The following IFT43 variants were observed in gnomAD, a reference collection of about 807,000 sequenced individuals.
IFT43 encodes intraflagellar transport 43, also known as intraflagellar transport protein 43 homolog.
In IFT43, 33 loss-of-function variants were observed where a neutral mutation model predicts 32.3. That is an observed-to-expected ratio of 1.02 (90% CI 0.77 to 1.37). The LOEUF is 1.37. Among genes scored for constraint, IFT43 ranks in the 40% most tolerant of loss-of-function variants. The pLI is 0.00. For synonymous variants in IFT43, 93 were observed against 98.2 expected, an observed-to-expected ratio of 0.95 and a Z score of 0.31; for missense variants, 274 against 265.9, an observed-to-expected ratio of 1.03 and a Z score of -0.21.
At chr14:75,990,720 C>T (rs1006056976) in intron 2 of IFT43, among the ~76,000 whole-genome samples, 1 of 152,116 alleles carries the variant, frequency 6.6e-6, no homozygotes, top group South Asian at 2.1e-4. Flanking sequence ...ATATACCAGA[C>T]CCAACCCTGG....
At chr14:75,999,227 T>TTATATA (rs1162371057) in intron 2 of IFT43, among the ~76,000 whole-genome samples, 32 of 96,078 alleles carry the variant, frequency 3.3e-4, no homozygotes, top group East Asian at 8.6e-4. Context: ...TAAATTCATT[T>TTATATA]TATATATATA....
chr14:76,052,134 G>A (rs1029227348), intron 3 of IFT43, among the ~76,000 whole-genome samples: 7 of 152,046 alleles, frequency 4.6e-5, no homozygotes, highest in East Asian at 1.9e-4. Flanking sequence ...CTTCAAGGAC[G>A]CTTCCCCCCA....
rs147754820 is a variant in IFT43 at position 76,010,748 on chromosome 14, C to G, written c.148-11579C>G. On this transcript the variant is annotated intron_variant, in intron 2 of 8. Coordinates refer to ENST00000314067, the MANE Select transcript of IFT43 (RefSeq NM_001102564.3). ...TAACAGTATGAATAATTTCCTAACA[C>G]TATTACCCACTCCAAATTTATTTTC... 3.3e-5 allele frequency among the ~76,000 whole-genome samples: 5 copies of G among 152,220 alleles called. No individual in the cohort carries two copies. In the East Asian group the frequency reaches 9.6e-4, roughly 29 times the overall value.
chr14:76,050,940 A>G (rs2036902623), intron 3 of IFT43, among the ~76,000 whole-genome samples: 1 of 151,812 alleles, frequency 6.6e-6, no homozygotes, highest in Non-Finnish European at 1.5e-5. Flanking sequence ...ACCTTTTTTC[A>G]CACATTTAGT....
At chr14:76,013,780 G>A in intron 2 of IFT43, 2 of 310,032 alleles carry the variant, frequency 6.5e-6, no homozygotes, top group Non-Finnish European at 1.3e-5. Flanking sequence ...TCTTGACTTG[G>A]CAAGGGCTAA....
intron 2 of IFT43, among the ~76,000 whole-genome samples, chr14:76,003,925 C>T (rs186108675): frequency 2.0e-5 from 3 of 151,846 alleles, no homozygotes; most frequent in South Asian, 2.1e-4. Context: ...TAGAGGCGCC[C>T]ACCACCCACC....
intron 2 of IFT43, among the ~76,000 whole-genome samples, chr14:76,015,931 T>C (rs1331964891): frequency 1.3e-5 from 2 of 152,238 alleles, no homozygotes; most frequent in East Asian, 1.9e-4. Context: ...TGCTCAGTGA[T>C]GTAGAACATT....
At chr14:76,037,622 C>T (rs1448943002) in intron 3 of IFT43, among the ~76,000 whole-genome samples, 1 of 151,746 alleles carries the variant, frequency 6.6e-6, no homozygotes. Context: ...AGCAAACACC[C>T]ATGCACACTT....
intron 5 of IFT43, among the ~76,000 whole-genome samples, chr14:76,079,716 C>T (rs1319057227): frequency 6.6e-6 from 1 of 152,200 alleles, no homozygotes; most frequent in Non-Finnish European, 1.5e-5. Flanking sequence ...CCAGAACCGA[C>T]TCCTGTCTTC....
At chr14:76,072,781 G>A (rs950540560) in intron 5 of IFT43, among the ~76,000 whole-genome samples, 1 of 152,140 alleles carries the variant, frequency 6.6e-6, no homozygotes, top group East Asian at 1.9e-4. Context: ...AGAGATCAGG[G>A]TTTGTATGCT....
chr14:76,069,890 C>A (rs1359635926), intron 5 of IFT43, among the ~76,000 whole-genome samples: 3 of 152,144 alleles, frequency 2.0e-5, no homozygotes, highest in African/African-American at 7.2e-5. Context: ...GGCTGTGCTC[C>A]TTTGCATCCT....
At chr14:76,048,224 A>G (rs1360222920) in intron 3 of IFT43, among the ~76,000 whole-genome samples, 1 of 152,238 alleles carries the variant, frequency 6.6e-6, no homozygotes, top group Non-Finnish European at 1.5e-5. Context: ...TGTTAGAATA[A>G]AATTGTCTTT....
intron 5 of IFT43, among the ~76,000 whole-genome samples, chr14:76,075,387 G>A (rs919277810): frequency 2.0e-5 from 3 of 152,140 alleles, no homozygotes; most frequent in Non-Finnish European, 4.4e-5. Flanking sequence ...GCAGGGGACC[G>A]CTCGGGAGCT....
At chr14:76,033,540 T>C (rs1023466996) in intron 3 of IFT43, among the ~76,000 whole-genome samples, 4 of 151,984 alleles carry the variant, frequency 2.6e-5, no homozygotes, top group African/African-American at 7.3e-5. Context: ...TTCTTCAAAG[T>C]GGGAAGACAG....
chr14:76,082,377 A>G lies in IFT43; in HGVS notation c.368+10A>G, dbSNP rs1440012438. The G allele has an allele frequency of 6.5e-7, 1 of 1,534,054 alleles. No individual in the cohort carries two copies. Among genetic ancestry groups the G allele is most frequent in the Non-Finnish European group, 9.0e-7 (1 of 1,106,970 alleles). Reference sequence around the variant, plus strand: ...TGGCAGCCCCTCCCAGGTAGGTTAAATCAGATATGATTGGGGAGGCAAAGA... The same window carrying G: ...TGGCAGCCCCTCCCAGGTAGGTTAAGTCAGATATGATTGGGGAGGCAAAGA... On this transcript the variant is annotated intron_variant, in intron 6 of 8. Coordinates refer to ENST00000314067, the MANE Select transcript of IFT43 (RefSeq NM_001102564.3).
intron 3 of IFT43, among the ~76,000 whole-genome samples, chr14:76,034,201 T>C (rs553815894): frequency 6.6e-6 from 1 of 152,340 alleles, no homozygotes; most frequent in South Asian, 2.1e-4. Context: ...CCTTTATTTC[T>C]CATGATTCTG....
At chr14:76,061,547 G>A (rs572349373) in intron 5 of IFT43, among the ~76,000 whole-genome samples, 41 of 152,142 alleles carry the variant, frequency 2.7e-4, no homozygotes, top group Non-Finnish European at 5.1e-4. Flanking sequence ...AACTTGGATC[G>A]TTTGTATTGC....
chr14:75,992,463 T>C (rs1205730476), intron 2 of IFT43, among the ~76,000 whole-genome samples: 2 of 152,118 alleles, frequency 1.3e-5, no homozygotes, highest in African/African-American at 2.4e-5. Context: ...CAGAGTCTCT[T>C]AGAACTGATT....
At chr14:76,043,937 A>C (rs886756550) in intron 3 of IFT43, among the ~76,000 whole-genome samples, 1 of 152,146 alleles carries the variant, frequency 6.6e-6, no homozygotes, top group African/African-American at 2.4e-5. Context: ...TAGTGTTCCT[A>C]TGACCCCCTT....
Sources: allele counts gnomAD v4.1 joint callset (sites outside exome capture counted in the v4.1 genomes callset), GRCh38; gene constraint gnomAD v4.1.1; transcripts MANE v1.5; gene names NCBI Gene and HGNC (gene_info 2026-07-23, HGNC 2026-07-21).